The following SOX5 variants were observed in gnomAD, a reference collection of about 807,000 sequenced individuals.
SOX5 encodes transcription factor SOX-5.
Under a neutral mutation model 92.0 loss-of-function variants are expected in SOX5, and 9 were observed. The observed-to-expected ratio is 0.10, with a 90% CI of 0.06 to 0.17. SOX5 has a LOEUF of 0.17. Among genes scored for constraint, SOX5 ranks in the 10% least tolerant of loss-of-function variants. The probability of loss-of-function intolerance (pLI) is 1.00; values close to 1 mark genes in which losing one functional copy is unlikely to be tolerated. For missense variants in SOX5, 642 were observed against 944.5 expected (o/e 0.68, Z 4.20); for synonymous variants, 344 against 336.3 (o/e 1.02, Z -0.25).
chr12:23,963,418 C>T (rs1394210066), intron 4 of SOX5, among the ~76,000 whole-genome samples: 2 of 152,134 alleles, frequency 1.3e-5, no homozygotes, highest in Non-Finnish European at 2.9e-5. Context: ...TACATATAAT[C>T]ATGCTTTTCC....
At chr12:23,639,911 TTAATTATTAAGTA>T (rs764364400) in intron 8 of SOX5, among the ~76,000 whole-genome samples, 1 of 152,174 alleles carries the variant, frequency 6.6e-6, no homozygotes, top group Non-Finnish European at 1.5e-5. Context: ...CGAAGAAAAA[TTAATTATTAAGTA>T]TAACTGCTTT....
At chr12:24,387,617 A>C (rs1054277748) in intron 1 of SOX5, among the ~76,000 whole-genome samples, 17 of 152,130 alleles carry the variant, frequency 1.1e-4, no homozygotes, top group African/African-American at 4.1e-4. Context: ...AAAGACACAC[A>C]AGCTTCTCTG....
At chr12:24,168,334 C>T (rs758963466) in intron 4 of SOX5, among the ~76,000 whole-genome samples, 4 of 152,076 alleles carry the variant, frequency 2.6e-5, no homozygotes, top group Non-Finnish European at 4.4e-5. Context: ...CATTTACAAA[C>T]CCATTTGGTG....
chr12:24,265,037 C>T (rs1230959861), intron 3 of SOX5, among the ~76,000 whole-genome samples: 1 of 152,156 alleles, frequency 6.6e-6, no homozygotes, highest in Non-Finnish European at 1.5e-5. Context: ...AGCAGTGTGT[C>T]CCCCAACTTA....
intron 8 of SOX5, among the ~76,000 whole-genome samples, chr12:23,638,887 C>CAAA (rs57608068): frequency 8.4e-6 from 1 of 119,716 alleles, no homozygotes; most frequent in African/African-American, 3.1e-5. Flanking sequence ...TTTCTCACTG[C>CAAA]AAAAAAAAAA....
At chr12:24,420,551 C>T (rs1965756350) in intron 1 of SOX5, among the ~76,000 whole-genome samples, 1 of 152,076 alleles carries the variant, frequency 6.6e-6, no homozygotes, top group Admixed American at 6.6e-5. Context: ...TGACAGGAAG[C>T]TAATTCATTA....
At chr12:24,459,251 C>A (rs1009504118) in intron 1 of SOX5, among the ~76,000 whole-genome samples, 1 of 152,108 alleles carries the variant, frequency 6.6e-6, no homozygotes, top group African/African-American at 2.4e-5. Flanking sequence ...TTCTTGCGCA[C>A]GCTCCATCAA....
intron 4 of SOX5, among the ~76,000 whole-genome samples, chr12:23,969,321 A>G (rs936065818): frequency 3.6e-5 from 5 of 140,342 alleles, no homozygotes; most frequent in African/African-American, 1.3e-4. Flanking sequence ...GCCCTCTTCA[A>G]TCCATTTTTT....
At chr12:24,436,547 G>A (rs751549996) in intron 1 of SOX5, among the ~76,000 whole-genome samples, 4 of 152,184 alleles carry the variant, frequency 2.6e-5, no homozygotes, top group Non-Finnish European at 4.4e-5. Flanking sequence ...ACCAGCAGAG[G>A]GTGGTTCATG....
At chr12:23,633,441 G>A (rs529733793) in intron 8 of SOX5, among the ~76,000 whole-genome samples, 104 of 152,048 alleles carry the variant, frequency 6.8e-4, no homozygotes, top group African/African-American at 1.6e-3. Flanking sequence ...GTGTAACTTC[G>A]TTTTGTGTAA....
intron 3 of SOX5, among the ~76,000 whole-genome samples, chr12:23,836,449 A>T (rs1304658294): frequency 6.6e-6 from 1 of 152,016 alleles, no homozygotes; most frequent in Non-Finnish European, 1.5e-5. Flanking sequence ...CCTATTTATA[A>T]GTTGCAAAAT....
intron 4 of SOX5, among the ~76,000 whole-genome samples, chr12:24,096,648 C>T (rs1435673725): frequency 6.6e-6 from 1 of 152,166 alleles, no homozygotes; most frequent in Admixed American, 6.5e-5. Flanking sequence ...CTCTTTATGG[C>T]TGAATAATAT....
intron 3 of SOX5, among the ~76,000 whole-genome samples, chr12:23,794,215 A>G (rs2095525148): frequency 6.6e-6 from 1 of 152,004 alleles, no homozygotes; most frequent in Non-Finnish European, 1.5e-5. Context: ...GGTTTATTTT[A>G]GTGAACAGAA....
chr12:23,991,190 CA>C (rs35062844), intron 4 of SOX5, among the ~76,000 whole-genome samples: 65,887 of 141,498 alleles, frequency 0.47, 14,918 homozygotes, highest in Admixed American at 0.57. Context: ...CCCGTCTCTG[CA>C]AAAAAAAAAA....
At chr12:23,626,267 G>A (rs2077774334) in intron 8 of SOX5, among the ~76,000 whole-genome samples, 1 of 152,066 alleles carries the variant, frequency 6.6e-6, no homozygotes, top group Admixed American at 6.6e-5. Flanking sequence ...ACAGCATTCT[G>A]ATTTCTGCTA....
intron 1 of SOX5, among the ~76,000 whole-genome samples, chr12:24,557,051 T>G (rs577962296): frequency 6.6e-6 from 1 of 152,180 alleles, no homozygotes; most frequent in South Asian, 2.1e-4. Flanking sequence ...TCTAACATAA[T>G]CCAAACAATA....
intron 2 of SOX5, among the ~76,000 whole-genome samples, chr12:24,316,496 C>G (rs764691032): frequency 2.2e-4 from 34 of 152,140 alleles, no homozygotes; most frequent in Admixed American, 3.9e-4. Flanking sequence ...ATTTTCAGTA[C>G]TTTCAACTCA....
At chr12:24,173,343 A>G (rs1231053157) in intron 4 of SOX5, among the ~76,000 whole-genome samples, 3 of 152,180 alleles carry the variant, frequency 2.0e-5, no homozygotes, top group Admixed American at 6.5e-5. Flanking sequence ...TAATCACTTC[A>G]CTGGACAGAC....
At chr12:24,248,669 G>A (rs956184156) in intron 3 of SOX5, among the ~76,000 whole-genome samples, 2 of 152,172 alleles carry the variant, frequency 1.3e-5, no homozygotes, top group South Asian at 2.1e-4. Flanking sequence ...ACGGGTGTAA[G>A]TCACTGCGCC....
Sources: gnomAD v4.1 joint callset for allele counts (sites outside exome capture counted in the v4.1 genomes callset) on GRCh38, gnomAD v4.1.1 for gene constraint, MANE v1.5 for transcripts, NCBI Gene and HGNC (gene_info 2026-07-23, HGNC 2026-07-21) for gene names.